Variants in HID1 observed in about 807,000 individuals in gnomAD.
HID1 encodes the protein HID1 domain containing.
HID1 carries 42 observed loss-of-function variants against 89.7 expected under a neutral mutation model. That is an observed-to-expected ratio of 0.47 (90% CI 0.37 to 0.61). The LOEUF (loss-of-function observed/expected upper bound fraction) is 0.61, where lower values mean the gene tolerates loss of function less well. Among genes scored for constraint, HID1 ranks in the 20% least tolerant of loss-of-function variants. The probability of loss-of-function intolerance (pLI) is 0.00; values close to 1 mark genes in which losing one functional copy is unlikely to be tolerated. For missense variants in HID1, 854 were observed against 1,039.3 expected (o/e 0.82, Z 2.45); for synonymous variants, 442 against 433.8 (o/e 1.02, Z -0.24).
chr17:74,951,336 G>A lies in HID1; in HGVS notation c.*234C>T. 2 of 581,822 alleles carry A rather than the reference G, an allele frequency of 3.4e-6. No homozygotes were observed. Among genetic ancestry groups the A allele is most frequent in the East Asian group, 5.7e-5 (2 of 34,854 alleles). 36.0% of individuals were successfully genotyped at this position (581,822 alleles called of 1,614,324 possible). ...AGTGTTGGGGGCAGTGGTCTCTGGT[G>A]GGGGCATAGCCCCAGAGATGGGGCT... On this transcript the variant is annotated 3_prime_UTR_variant, in exon 19 of 19. Transcript: ENST00000425042.
In HID1 at chr17:74,962,993, G is replaced by A. The variant is rs778077085; in HGVS notation, c.476C>T (p.Thr159Met). The A allele has an allele frequency of 9.3e-6, 15 of 1,613,038 alleles. No homozygotes were observed. Among genetic ancestry groups the A allele is most frequent in the Admixed American group, 3.3e-5 (2 of 59,924 alleles). ...AGTGCTCCTCCGGTGGCTCTGAACC[G>A]TGAAGTCCGGGCAGAAGAGCAGGTC... ...IADLLFCPDF[T>M]VQSHRRSTVD... is the part of the protein sequence containing the mutation. Residue 159 changes from threonine (T) to methionine (M), a missense_variant, in exon 4 of 19, where the codon ACG becomes ATG. By Grantham distance (81) the Thr-to-Met change is moderately conservative. Transcript: ENST00000425042. This position sits in a 1 kb window ranked among gnomAD's most constrained non-coding sequence, Gnocchi z 4.3.
intron 6 of HID1, among the ~76,000 whole-genome samples, chr17:74,960,830 C>T (rs901327801): frequency 1.3e-5 from 2 of 152,160 alleles, no homozygotes; most frequent in Non-Finnish European, 2.9e-5. Flanking sequence ...GTCTGGAAGG[C>T]GGAGGTCGAC....
In HID1 at chr17:74,962,060, G is replaced by A; in HGVS notation, c.612-71C>T. On this transcript the variant is annotated intron_variant, in intron 5 of 18. Transcript: ENST00000425042. The surrounding 1 kb of genome is among the most constrained non-coding windows in gnomAD (Gnocchi z 4.3). ...TTGGAGGTTCTGCCCACCCAGCCCA[G>A]CGCCCCAGCCCAGGTCCATGGAAGG... 3 of 1,267,704 alleles carry A rather than the reference G, an allele frequency of 2.4e-6. No individual in the cohort carries two copies. The allele number at this position is 1,267,704 out of a possible 1,614,324, so 78.5% of individuals were successfully genotyped here. A position where few individuals can be genotyped will look rare whatever the true frequency, so the allele number is the denominator to read the frequency against.
At chr17:74,960,775 A>G (rs534376649) in intron 6 of HID1, among the ~76,000 whole-genome samples, 1 of 152,338 alleles carries the variant, frequency 6.6e-6, no homozygotes, top group South Asian at 2.1e-4. Context: ...GTTGAACAGA[A>G]GGCTAGGAAA....
At chr17:74,957,319 CAAA>C (rs11290713) in intron 12 of HID1, among the ~76,000 whole-genome samples, 7 of 139,638 alleles carry the variant, frequency 5.0e-5, no homozygotes, top group Non-Finnish European at 7.7e-5. Flanking sequence ...ACTAAAAATA[CAAA>C]AAAAAAAAAA....
At chr17:74,953,490 C>G (rs1178650542) in intron 15 of HID1, 55 bp downstream of exon 15, 1 of 1,453,528 alleles carries the variant, frequency 6.9e-7, no homozygotes, top group Non-Finnish European at 9.6e-7. Flanking sequence ...CTGCAGAGAC[C>G]AGGGAGGAAG....
At chr17:74,967,135 A>C (rs1165370864) in intron 1 of HID1, among the ~76,000 whole-genome samples, 3 of 151,958 alleles carry the variant, frequency 2.0e-5, no homozygotes, top group Non-Finnish European at 2.9e-5. Flanking sequence ...GCTACTCAGG[A>C]GGCTGAGGCA....
At position 74,960,178 on chromosome 17, in the gene HID1, G is replaced by A; in HGVS notation, c.799C>T (p.Pro267Ser). The A allele has an allele frequency of 6.2e-7, 1 of 1,613,876 alleles. No homozygotes were observed. Among genetic ancestry groups the A allele is most frequent in the Non-Finnish European group, 8.5e-7 (1 of 1,180,020 alleles). The change falls in exon 7 of 19, where the codon CCC becomes TCC. Residue 267 changes from proline (P) to serine (S), a missense_variant. Coordinates refer to ENST00000425042, the MANE Select transcript of HID1 (RefSeq NM_030630.3). ...CAYDPVGYGI[P>S]YNHLLFSDYR... Reference sequence around the variant, plus strand: ...TCAGAGAAGAGCAGGTGGTTGTAGGGGATCCCGTAGCCCACAGGGTCATAG... The same window carrying A: ...TCAGAGAAGAGCAGGTGGTTGTAGGAGATCCCGTAGCCCACAGGGTCATAG...
intron 1 of HID1, among the ~76,000 whole-genome samples, chr17:74,965,038 G>A (rs898004529): frequency 2.6e-5 from 4 of 152,232 alleles, no homozygotes; most frequent in Admixed American, 1.3e-4. Flanking sequence ...ATGGGAAGAA[G>A]ACAAAGGTGA....
rs986896137 is a variant in HID1, at chr17:74,962,765, C to T, written c.504+200G>A. On this transcript the variant is annotated intron_variant, in intron 4 of 18. Coordinates refer to ENST00000425042, the MANE Select transcript of HID1 (RefSeq NM_030630.3). This position sits in a 1 kb window ranked among gnomAD's most constrained non-coding sequence, Gnocchi z 4.3. Reference sequence around the variant, plus strand: ...GGGTGTCTGTGCCCAGCCATCCGAACGCAGCGGGCAGGGCCAGCCCCAGCT... The same window carrying T: ...GGGTGTCTGTGCCCAGCCATCCGAATGCAGCGGGCAGGGCCAGCCCCAGCT... Among the ~76,000 whole-genome samples the T allele has an allele frequency of 6.6e-6, 1 of 152,184 alleles. No homozygotes were observed. Among genetic ancestry groups the T allele is most frequent in the South Asian group, 2.1e-4 (1 of 4,830 alleles).
intron 16 of HID1, among the ~76,000 whole-genome samples, chr17:74,952,669 G>A (rs1003182169): frequency 6.6e-6 from 1 of 152,204 alleles, no homozygotes; most frequent in Non-Finnish European, 1.5e-5. Context: ...GATCTCAGGA[G>A]ACACAGGGCG....
chr17:74,960,387 G>A, intron 6 of HID1, 139 bp from the exon 7 acceptor site: 1 of 724,568 alleles, frequency 1.4e-6, no homozygotes, highest in East Asian at 2.7e-5. Flanking sequence ...TGGAAAGAGT[G>A]GGTGTGGGAA....
Position 74,959,071 on chromosome 17 carries a change from AG to A in HID1, c.1009-21del. On this transcript the variant is annotated intron_variant, in intron 8 of 18. Coordinates refer to ENST00000425042, the MANE Select transcript of HID1 (RefSeq NM_030630.3). This position sits in a 1 kb window ranked among gnomAD's most constrained non-coding sequence, Gnocchi z 4.6. ...GAAGTCCTGGGGGCGAGGGCAGAGC[AG>A]GGGGCCTGTCCAGCCCAATCCCTGC... is the stretch of plus-strand genomic sequence containing the variant. 1 of 1,535,498 alleles carries A rather than the reference AG, an allele frequency of 6.5e-7. No individual in the cohort carries two copies. Among genetic ancestry groups the A allele is most frequent in the Non-Finnish European group, 8.7e-7 (1 of 1,147,998 alleles).
In HID1 at chr17:74,959,925, C is replaced by T; in HGVS notation, c.964G>A (p.Glu322Lys). The stretch of plus-strand genomic sequence containing the variant: ...GACAGGTAGTTCACAAACAGGTTCT[C>T]AGGGCCTGGAGGCTGCCAAGAGGAG... ...AMDDADPPGPENLFVNYLSRI... is the reference protein window; with the variant it reads ...AMDDADPPGPKNLFVNYLSRI... The change falls in exon 8 of 19, where the codon GAG (glutamate) becomes AAG (lysine). Residue 322 changes from glutamate (E) to lysine (K), a missense_variant. Coordinates refer to ENST00000425042, the MANE Select transcript of HID1 (RefSeq NM_030630.3). The surrounding 1 kb of genome is among the most constrained non-coding windows in gnomAD (Gnocchi z 4.6). 1 of 1,613,716 alleles carries T rather than the reference C, an allele frequency of 6.2e-7. No homozygotes were observed. The highest frequency in any genetic ancestry group is 8.5e-7 in the Non-Finnish European group (1 of 1,180,040).
chr17:74,957,117 GA>G (rs2039402566), intron 12 of HID1, among the ~76,000 whole-genome samples: 1 of 151,462 alleles, frequency 6.6e-6, no homozygotes, highest in African/African-American at 2.4e-5. Context: ...AGGATCATTT[GA>G]GCTCAGGAGT....
Position 74,960,241 on chromosome 17 carries a change from G to A in HID1, c.736C>T (p.Leu246=), listed in dbSNP as rs1240196718. The change falls in exon 7 of 19, where the codon CTG becomes TTG. Residue 246 remains leucine (L), a synonymous_variant. Coordinates refer to ENST00000425042, the MANE Select transcript of HID1 (RefSeq NM_030630.3). The part of the protein sequence containing the change: ...FFCSTENRHA[L]PLFTSLLNTV... The stretch of plus-strand genomic sequence containing the variant: ...TTGAGGAGGGAGGTGAAGAGGGGCA[G>A]GGCATGTCTGCAGCAGGAGAGGGAC... The A allele has an allele frequency of 5.0e-6, 8 of 1,608,800 alleles. No individual in the cohort carries two copies. Among genetic ancestry groups the A allele is most frequent in the Non-Finnish European group, 6.8e-6 (8 of 1,179,608 alleles).
chr17:74,972,688 C>T lies in HID1; in HGVS notation c.-32G>A, dbSNP rs2039668859. ...GGAGCCCGCTCCGGCCCGGCCCCCG[C>T]CCAGACTCCAACCCGGCTCCGGCTT... On this transcript the variant is annotated 5_prime_UTR_variant, in exon 1 of 19. Transcript: ENST00000425042. The surrounding 1 kb of genome is among the most constrained non-coding windows in gnomAD (Gnocchi z 6.4). 2 of 1,526,302 alleles carry T rather than the reference C, an allele frequency of 1.3e-6. No individual in the cohort carries two copies. The highest frequency in any genetic ancestry group is 1.8e-6 in the Non-Finnish European group (2 of 1,134,896). 94.5% of individuals were successfully genotyped at this position (1,526,302 alleles called of 1,614,324 possible).
At position 74,953,105 on chromosome 17, in the gene HID1, C is replaced by G. The variant is rs962361930; in HGVS notation, c.1972-19G>C. 6 of 1,591,572 alleles carry G rather than the reference C, an allele frequency of 3.8e-6. No homozygotes were observed. The African/African-American group carries it at 8.0e-5, about 21-fold the overall frequency. ...TGGGCTCCTGGCCCCCAGAAAGGAACAGGGGTGAGGGATGGTGGCGGTGGG... is the reference window on the plus strand; with the variant it reads ...TGGGCTCCTGGCCCCCAGAAAGGAAGAGGGGTGAGGGATGGTGGCGGTGGG... On this transcript the variant is annotated intron_variant, in intron 15 of 18. Coordinates refer to ENST00000425042, the MANE Select transcript of HID1 (RefSeq NM_030630.3).
At chr17:74,968,145 T>C (rs949886770) in intron 1 of HID1, among the ~76,000 whole-genome samples, 3 of 152,110 alleles carry the variant, frequency 2.0e-5, no homozygotes, top group African/African-American at 7.2e-5. Context: ...TGAAGCTACT[T>C]CTTCTAAGAA....
Sources: gnomAD v4.1 joint callset for allele counts (sites outside exome capture counted in the v4.1 genomes callset) on GRCh38, gnomAD v4.1.1 for gene constraint, Gnocchi (gnomAD v3.1) non-coding constraint, MANE v1.5 for transcripts, NCBI Gene and HGNC (gene_info 2026-07-23, HGNC 2026-07-21) for gene names.